R3HDM1: variants seen among roughly 807,000 people sequenced by gnomAD.
R3HDM1 encodes R3H domain containing 1.
A neutral mutation model predicts 141.1 loss-of-function variants in R3HDM1; 46 were observed. The ratio of observed to expected loss-of-function variants is 0.33; its 90% CI spans 0.26 to 0.42. The LOEUF is 0.42. Among genes scored for constraint, R3HDM1 ranks in the 10% least tolerant of loss-of-function variants. The pLI is 1.00. For synonymous variants in R3HDM1, 435 were observed against 472.9 expected, an observed-to-expected ratio of 0.92 and a Z score of 1.04; for missense variants, 1,184 against 1,368.3, an observed-to-expected ratio of 0.87 and a Z score of 2.12.
intron 21 of R3HDM1, among the ~76,000 whole-genome samples, chr2:135,690,737 T>C (rs200062242): frequency 6.9e-6 from 1 of 145,626 alleles, no homozygotes; most frequent in African/African-American, 2.6e-5. Flanking sequence ...TTGTTTCTTT[T>C]TTTCTTTTTT....
intron 19 of R3HDM1, chr2:135,669,528 C>T (rs2068012081): frequency 1.0e-6 from 1 of 984,942 alleles, no homozygotes; most frequent in South Asian, 4.7e-5. Flanking sequence ...CCAAAATTAT[C>T]AGAAAATGAA....
At chr2:135,571,109 G>A (rs1488770309) in intron 1 of R3HDM1, among the ~76,000 whole-genome samples, 1 of 151,852 alleles carries the variant, frequency 6.6e-6, no homozygotes, top group Non-Finnish European at 1.5e-5. Context: ...TAGTTAATGA[G>A]GAATATAAAA....
chr2:135,549,843 A>G (rs1358805944), intron 1 of R3HDM1: 1 of 466,454 alleles, frequency 2.1e-6, no homozygotes, highest in South Asian at 9.3e-5. Context: ...GAATAGACTA[A>G]ATACTACTGA....
chr2:135,645,400 A>G lies in R3HDM1; in HGVS notation c.1496A>G (p.Asp499Gly), dbSNP rs1200594021. The change falls in exon 16 of 27, where the codon GAT becomes GGT. Residue 499 changes from aspartate (D) to glycine (G), a missense_variant. By Grantham distance (94) the Asp-to-Gly change is moderately conservative. Around this residue, in one of 5 missense-constraint regions of R3HDM1, gnomAD observed 563 missense variants for 562.0 expected, o/e 1.00. Transcript: ENST00000683871. ...TCAGGTCAGCCCTTCATAAACCCAG[A>G]TGGGAGTCCAGTTGTGTATAATCCT... ...PQTGQPFINP[D>G]GSPVVYNPPM... is the part of the protein sequence containing the mutation. 2 of 1,610,970 alleles carry G rather than the reference A, an allele frequency of 1.2e-6. No homozygotes were observed. Among genetic ancestry groups the G allele is most frequent in the Non-Finnish European group, 1.7e-6 (2 of 1,177,768 alleles).
At chr2:135,654,612 C>A (rs918446333) in intron 18 of R3HDM1, among the ~76,000 whole-genome samples, 2 of 152,082 alleles carry the variant, frequency 1.3e-5, no homozygotes, top group Non-Finnish European at 2.9e-5. Flanking sequence ...CCATGCCCAA[C>A]TAATTTTTGT....
intron 1 of R3HDM1, among the ~76,000 whole-genome samples, chr2:135,595,241 G>T (rs1710367336): frequency 6.6e-6 from 1 of 152,072 alleles, no homozygotes; most frequent in South Asian, 2.1e-4. Flanking sequence ...TATATTTAGT[G>T]GTAGCAAGCA....
intron 24 of R3HDM1, among the ~76,000 whole-genome samples, chr2:135,717,007 G>A (rs991317631): frequency 2.2e-4 from 34 of 151,926 alleles, no homozygotes; most frequent in Non-Finnish European, 4.6e-4. Context: ...TTCACAATAT[G>A]GTAAGTGATT....
At chr2:135,679,587 T>C (rs2069866652) in intron 20 of R3HDM1, among the ~76,000 whole-genome samples, 1 of 152,218 alleles carries the variant, frequency 6.6e-6, no homozygotes, top group Non-Finnish European at 1.5e-5. Flanking sequence ...TCTTTCTATA[T>C]CAAATGGCCA....
intron 3 of R3HDM1, chr2:135,607,306 G>T (rs2060161854): frequency 3.0e-6 from 3 of 985,238 alleles, no homozygotes; most frequent in Non-Finnish European, 3.6e-6. Flanking sequence ...GTTTTTAAAG[G>T]TTTTCTCATT....
intron 14 of R3HDM1, 80 bp from the exon 15 acceptor site, chr2:135,641,456 A>G (rs1574612806): frequency 1.4e-6 from 2 of 1,430,884 alleles, no homozygotes; most frequent in African/African-American, 1.4e-5. Flanking sequence ...TATGCAATGT[A>G]AATTTTATTG....
intron 3 of R3HDM1, among the ~76,000 whole-genome samples, chr2:135,615,130 C>T (rs568718281): frequency 2.0e-5 from 3 of 152,054 alleles, no homozygotes; most frequent in African/African-American, 4.8e-5. Flanking sequence ...CCCAAGAATA[C>T]AGTGCTTTTT....
intron 1 of R3HDM1, among the ~76,000 whole-genome samples, chr2:135,582,889 A>G (rs781217182): frequency 4.3e-4 from 66 of 152,210 alleles, no homozygotes; most frequent in Non-Finnish European, 4.3e-4. Flanking sequence ...TGCAGTAAAT[A>G]TAGATCTTTA....
At chr2:135,690,806 C>T (rs2072252822) in intron 21 of R3HDM1, among the ~76,000 whole-genome samples, 1 of 151,348 alleles carries the variant, frequency 6.6e-6, no homozygotes, top group Non-Finnish European at 1.5e-5. Flanking sequence ...TTTTATTCAC[C>T]AAAAAATGTT....
chr2:135,692,673 T>A (rs1473910026), intron 21 of R3HDM1, among the ~76,000 whole-genome samples: 1 of 152,050 alleles, frequency 6.6e-6, no homozygotes, highest in African/African-American at 2.4e-5. Flanking sequence ...AAAATTAGTT[T>A]GAGACTCTTT....
chr2:135,668,633 G>A lies in R3HDM1; in HGVS notation c.2153-6699G>A, dbSNP rs1332887842. Among the ~76,000 whole-genome samples, 3 of 152,290 alleles carry A rather than the reference G, an allele frequency of 2.0e-5. No homozygotes were observed. In the East Asian group the frequency reaches 5.8e-4, roughly 29 times the overall value. On this transcript the variant is annotated intron_variant, in intron 19 of 26. Coordinates refer to ENST00000683871, the MANE Select transcript of R3HDM1 (RefSeq NM_001378107.1). ...ATTTTCCTGCCTTGGATGTAAAAAT[G>A]AATGAAATGCTACTCAGTGGATGGA...
At chr2:135,579,748 C>T (rs183764059) in intron 1 of R3HDM1, among the ~76,000 whole-genome samples, 31 of 152,214 alleles carry the variant, frequency 2.0e-4, no homozygotes, top group Admixed American at 2.6e-4. Flanking sequence ...TAAGTTCAGT[C>T]TAATCATGAA....
rs2104858930 is a variant in R3HDM1 at position 135,531,618 on chromosome 2, C to T, written c.-265C>T. The stretch of plus-strand genomic sequence containing the variant: ...CGCGCCGCGCTCCAACCGCCTCCTC[C>T]TCCTCAGTAACGCGGGTAAGAGATG... On this transcript the variant is annotated 5_prime_UTR_variant, in exon 1 of 27. Transcript: ENST00000683871. 3 of 987,138 alleles carry T rather than the reference C, an allele frequency of 3.0e-6. No homozygotes were observed. The highest frequency in any genetic ancestry group is 3.6e-6 in the Non-Finnish European group (3 of 830,960). The allele number at this position is 987,138 out of a possible 1,614,324, so 61.1% of individuals were successfully genotyped here.
intron 1 of R3HDM1, among the ~76,000 whole-genome samples, chr2:135,570,102 G>C (rs1419570147): frequency 6.6e-6 from 1 of 152,104 alleles, no homozygotes; most frequent in Non-Finnish European, 1.5e-5. Context: ...GATTTCCTCA[G>C]CTGATGATTT....
intron 21 of R3HDM1, among the ~76,000 whole-genome samples, chr2:135,707,405 A>G (rs947600065): frequency 1.3e-5 from 2 of 152,194 alleles, no homozygotes; most frequent in Non-Finnish European, 2.9e-5. Flanking sequence ...CGTCTCTCAG[A>G]AGATAAGTAG....
Sources: gnomAD v4.1 joint callset for allele counts (sites outside exome capture counted in the v4.1 genomes callset) on GRCh38, gnomAD v4.1.1 for gene constraint, gnomAD v4.1.1 regional missense constraint, MANE v1.5 for transcripts, NCBI Gene and HGNC (gene_info 2026-07-23, HGNC 2026-07-21) for gene names.